CASZ1: variants seen among roughly 807,000 people sequenced by gnomAD.
CASZ1 encodes the protein zinc finger protein castor homolog 1.
A neutral mutation model predicts 135.2 loss-of-function variants in CASZ1; 28 were observed. The ratio of observed to expected loss-of-function variants is 0.21; its 90% confidence interval spans 0.15 to 0.28. The LOEUF is 0.28. Ranked by LOEUF, CASZ1 falls within the 10% of genes least tolerant of loss-of-function variation. The pLI is 1.00. For missense variants in CASZ1, 2,161 were observed against 2,453.3 expected (o/e 0.88, Z 2.52); for synonymous variants, 1,068 against 1,073.4 (o/e 0.99, Z 0.10).
chr1:10,785,677 C>G (rs1640846260), intron 1 of CASZ1, among the ~76,000 whole-genome samples: 1 of 152,230 alleles, frequency 6.6e-6, no homozygotes, highest in South Asian at 2.1e-4. Context: ...TCAGCTCCAT[C>G]CATGTCAGGG....
At chr1:10,738,179 G>A (rs990885757) in intron 2 of CASZ1, among the ~76,000 whole-genome samples, 2 of 152,206 alleles carry the variant, frequency 1.3e-5, no homozygotes, top group African/African-American at 2.4e-5. Flanking sequence ...GGGACTGACC[G>A]AGAAGAGAGG....
intron 3 of CASZ1, among the ~76,000 whole-genome samples, chr1:10,704,806 G>GGGCCCGA: frequency 6.6e-6 from 1 of 152,246 alleles, no homozygotes; most frequent in East Asian, 1.9e-4. Context: ...GCACTGCCTG[G>GGGCCCGA]GGCCCGAGGC....
In CASZ1 at chr1:10,647,101, G is replaced by A. The variant is rs1642385220; in HGVS notation, c.3497+700C>T. ...CCTGAGCTGCTACTCTGGGGAGGAG[G>A]AGGGGGAGGGGAGGCTGGTGGGGGG... On this transcript the variant is annotated intron_variant, in intron 16 of 20. Coordinates refer to ENST00000377022, the MANE Select transcript of CASZ1 (RefSeq NM_001079843.3). The surrounding 1 kb of genome is among the most constrained non-coding windows in gnomAD (Gnocchi z 4.9). 1 of 346,822 alleles carries A rather than the reference G, an allele frequency of 2.9e-6. No individual in the cohort carries two copies. Among genetic ancestry groups the A allele is most frequent in the East Asian group, 1.7e-4 (1 of 5,944 alleles). 21.5% of individuals were successfully genotyped at this position (346,822 alleles called of 1,614,324 possible).
chr1:10,675,282 G>C (rs536205995), intron 4 of CASZ1, among the ~76,000 whole-genome samples: 1 of 152,370 alleles, frequency 6.6e-6, no homozygotes, highest in African/African-American at 2.4e-5. Context: ...CCCTGCGCTG[G>C]CAGCAAAATG....
At chr1:10,710,655 C>T (rs536499573) in intron 2 of CASZ1, among the ~76,000 whole-genome samples, 2 of 152,394 alleles carry the variant, frequency 1.3e-5, no homozygotes, top group East Asian at 3.9e-4. Context: ...CTCCTCTCAA[C>T]AGACAGGCAC....
Position 10,744,804 on chromosome 1 carries a change from T to C in CASZ1, c.-77+15897A>G, listed in dbSNP as rs368925156. On this transcript the variant is annotated intron_variant, in intron 2 of 20. Coordinates refer to ENST00000377022, the MANE Select transcript of CASZ1 (RefSeq NM_001079843.3). ...GGTAGCCAGCGAGAGCCATTCATCC[T>C]GACAGCTCTTATTTAAAGAGCTGCC... 1.4e-3 allele frequency among the ~76,000 whole-genome samples: 216 copies of C among 151,794 alleles called. 4 individuals are homozygous for C. The highest frequency in any genetic ancestry group is 4.9e-3 in the African/African-American group (201 of 41,050).
intron 1 of CASZ1, among the ~76,000 whole-genome samples, chr1:10,784,987 C>T (rs1232143872): frequency 6.6e-6 from 1 of 152,168 alleles, no homozygotes; most frequent in African/African-American, 2.4e-5. Flanking sequence ...TCAAAAATTA[C>T]CAGTCAGCCT....
rs1483869404 is a variant in CASZ1, at chr1:10,719,189, A to C, written c.-76-13645T>G. Among the ~76,000 whole-genome samples the C allele has an allele frequency of 6.6e-6, 1 of 152,104 alleles. No homozygotes were observed. Among genetic ancestry groups the C allele is most frequent in the Non-Finnish European group, 1.5e-5 (1 of 68,028 alleles). The stretch of plus-strand genomic sequence containing the variant: ...CGCTTCCGGCTCCCTAAGTGCTGGG[A>C]TTACAGGCGTGAGCCACCGCACCCG... On this transcript the variant is annotated intron_variant, in intron 2 of 20. Coordinates refer to ENST00000377022, the MANE Select transcript of CASZ1 (RefSeq NM_001079843.3). The surrounding 1 kb of genome is among the most constrained non-coding windows in gnomAD (Gnocchi z 4.0).
At chr1:10,778,886 C>T (rs948475898) in intron 1 of CASZ1, among the ~76,000 whole-genome samples, 1 of 152,198 alleles carries the variant, frequency 6.6e-6, no homozygotes, top group Admixed American at 6.5e-5. Context: ...CCAGCCTGAC[C>T]GCTGGCTGCA....
At chr1:10,796,529 G>A (rs377499242) in intron 1 of CASZ1, 35 bp downstream of exon 1, 4 of 152,458 alleles carry the variant, frequency 2.6e-5, no homozygotes, top group African/African-American at 7.2e-5. Context: ...GGGGACGTGG[G>A]GGGGCCGCGG....
At chr1:10,660,663 CT>C in intron 5 of CASZ1, 127 bp from the exon 6 acceptor site, 1 of 657,126 alleles carries the variant, frequency 1.5e-6, no homozygotes, top group Non-Finnish European at 2.6e-6. Flanking sequence ...AGGACACGAT[CT>C]ATGGACGTTT....
chr1:10,711,921 G>A lies in CASZ1; in HGVS notation c.-76-6377C>T, dbSNP rs924678093. 4.6e-5 allele frequency among the ~76,000 whole-genome samples: 7 copies of A among 152,140 alleles called. No homozygotes were observed. The highest frequency in any genetic ancestry group is 1.7e-4 in the African/African-American group (7 of 41,424). ...AAAGCAGTGGTTGCCAGGGACTGGG[G>A]GAAGGGGACAGTGAGGAGGGACTGC... On this transcript the variant is annotated intron_variant, in intron 2 of 20. Transcript: ENST00000377022. This position sits in a 1 kb window ranked among gnomAD's most constrained non-coding sequence, Gnocchi z 4.4.
rs1476214782 is a variant in CASZ1, at chr1:10,697,213, G to C, written c.-23-3301C>G. Among the ~76,000 whole-genome samples, 1 of 152,004 alleles carries C rather than the reference G, an allele frequency of 6.6e-6. No homozygotes were observed. The highest frequency in any genetic ancestry group is 1.5e-5 in the Non-Finnish European group (1 of 67,990). On this transcript the variant is annotated intron_variant, in intron 3 of 20. Coordinates refer to ENST00000377022, the MANE Select transcript of CASZ1 (RefSeq NM_001079843.3). This position sits in a 1 kb window ranked among gnomAD's most constrained non-coding sequence, Gnocchi z 4.7. ...GGTTGTGGGGTATGAGTCAGAGGCT[G>C]TGTCATGGAGGGGCCCCCAGATTAT...
intron 1 of CASZ1, among the ~76,000 whole-genome samples, chr1:10,792,286 T>C (rs1238379641): frequency 7.9e-6 from 1 of 126,414 alleles, no homozygotes; most frequent in African/African-American, 3.0e-5. Flanking sequence ...AATTTATTTA[T>C]GAAAGCCAAA....
At chr1:10,691,159 C>T (rs1638755766) in intron 4 of CASZ1, among the ~76,000 whole-genome samples, 1 of 148,766 alleles carries the variant, frequency 6.7e-6, no homozygotes, top group South Asian at 2.2e-4. Flanking sequence ...CCTAATCTTC[C>T]GTACACAACC....
intron 1 of CASZ1, among the ~76,000 whole-genome samples, chr1:10,790,230 G>T (rs11121623): frequency 2.4e-4 from 37 of 152,176 alleles, no homozygotes; most frequent in African/African-American, 8.0e-4. Context: ...ACCAACACGG[G>T]GTGCTGGCAA....
chr1:10,753,575 C>A (rs749932645), intron 2 of CASZ1, among the ~76,000 whole-genome samples: 1 of 152,168 alleles, frequency 6.6e-6, no homozygotes, highest in Non-Finnish European at 1.5e-5. Flanking sequence ...GAACAACATG[C>A]GCTTGGACTT....
chr1:10,747,739 C>G lies in CASZ1; in HGVS notation c.-77+12962G>C, dbSNP rs139476373. ...TGCAGCTGCCTGGAATTAGGGGTGT[C>G]TCACCACACCTAGCTCCCCCTCCAG... On this transcript the variant is annotated intron_variant, in intron 2 of 20. Coordinates refer to ENST00000377022, the MANE Select transcript of CASZ1 (RefSeq NM_001079843.3). This position sits in a 1 kb window ranked among gnomAD's most constrained non-coding sequence, Gnocchi z 4.3. Among the ~76,000 whole-genome samples the G allele has an allele frequency of 6.6e-6, 1 of 152,178 alleles. No individual in the cohort carries two copies. The highest frequency in any genetic ancestry group is 1.5e-5 in the Non-Finnish European group (1 of 68,004).
chr1:10,721,843 T>C lies in CASZ1; in HGVS notation c.-76-16299A>G, dbSNP rs974717480. Reference sequence around the variant, plus strand: ...CCTTTTTGCTGCCTGACCTGCCTGCTAGGAAGCAGAGGCGGGCCCATGCCG... The same window carrying C: ...CCTTTTTGCTGCCTGACCTGCCTGCCAGGAAGCAGAGGCGGGCCCATGCCG... On this transcript the variant is annotated intron_variant, in intron 2 of 20. Coordinates refer to ENST00000377022, the MANE Select transcript of CASZ1 (RefSeq NM_001079843.3). This position sits in a 1 kb window ranked among gnomAD's most constrained non-coding sequence, Gnocchi z 5.4. Among the ~76,000 whole-genome samples the C allele has an allele frequency of 3.0e-4, 46 of 152,160 alleles. No individual in the cohort carries two copies. The highest frequency in any genetic ancestry group is 1.1e-3 in the African/African-American group (46 of 41,434).
Sources: gnomAD v4.1 joint callset for allele counts (sites outside exome capture counted in the v4.1 genomes callset) on GRCh38, gnomAD v4.1.1 for gene constraint, Gnocchi (gnomAD v3.1) non-coding constraint, MANE v1.5 for transcripts, NCBI Gene and HGNC (gene_info 2026-07-23, HGNC 2026-07-21) for gene names.